Variants in CCSER1 observed in about 807,000 individuals in gnomAD.
CCSER1 encodes the protein coiled-coil serine rich protein 1, also known as serine-rich coiled-coil domain-containing protein 1.
In CCSER1, 41 loss-of-function variants were observed where a neutral mutation model predicts 82.0. The observed-to-expected ratio is 0.50, with a 90% CI of 0.39 to 0.65. The LOEUF is 0.65. Ranked by LOEUF, CCSER1 falls within the 30% of genes least tolerant of loss-of-function variation. The probability of loss-of-function intolerance (pLI) is 0.00; values close to 1 mark genes in which losing one functional copy is unlikely to be tolerated. For missense variants in CCSER1, 1,119 were observed against 1,064.2 expected (o/e 1.05, Z -0.72); for synonymous variants, 414 against 383.9 (o/e 1.08, Z -0.92).
intron 3 of CCSER1, among the ~76,000 whole-genome samples, chr4:90,319,635 G>A (rs920339611): frequency 5.2e-5 from 5 of 97,008 alleles, no homozygotes; most frequent in African/African-American, 3.0e-4. Flanking sequence ...CTGGGCAACA[G>A]AGCAAGACTC....
chr4:90,957,261 C>A (rs1733561606), intron 9 of CCSER1, among the ~76,000 whole-genome samples: 2 of 142,034 alleles, frequency 1.4e-5, no homozygotes, highest in Admixed American at 1.4e-4. Context: ...CCCACCACGT[C>A]CAGCTAATTT....
intron 8 of CCSER1, among the ~76,000 whole-genome samples, chr4:90,913,565 A>G (rs764871460): frequency 1.3e-5 from 2 of 152,228 alleles, no homozygotes; most frequent in Non-Finnish European, 2.9e-5. Flanking sequence ...AATCGAGGCT[A>G]GGAAGAAACT....
intron 7 of CCSER1, among the ~76,000 whole-genome samples, chr4:90,815,101 T>G (rs62309556): frequency 0.33 from 50,640 of 151,862 alleles, 8,563 homozygotes; most frequent in East Asian, 0.42. Flanking sequence ...TGGGGAAGCC[T>G]CAGGAAACTT....
intron 10 of CCSER1, among the ~76,000 whole-genome samples, chr4:91,454,044 T>C (rs534959285): frequency 7.9e-5 from 12 of 152,198 alleles, no homozygotes; most frequent in African/African-American, 2.9e-4. Context: ...ATCTATGAGC[T>C]CCAGAACTTT....
intron 1 of CCSER1, among the ~76,000 whole-genome samples, chr4:90,216,581 G>A (rs2153417756): frequency 6.6e-6 from 1 of 152,234 alleles, no homozygotes; most frequent in South Asian, 2.1e-4. Context: ...GATGGCTGTA[G>A]GTGTGTGACT....
intron 4 of CCSER1, among the ~76,000 whole-genome samples, chr4:90,451,373 C>T (rs144717249): frequency 4.8e-4 from 73 of 152,236 alleles, no homozygotes; most frequent in African/African-American, 1.7e-3. Context: ...CAGTCTTCCC[C>T]GAGGTAGACT....
At chr4:91,422,233 T>C (rs1753718398) in intron 10 of CCSER1, among the ~76,000 whole-genome samples, 1 of 151,940 alleles carries the variant, frequency 6.6e-6, no homozygotes. Context: ...AAAAAACCCC[T>C]GTACATTAAG....
At chr4:90,393,643 A>T (rs1286394986) in intron 3 of CCSER1, among the ~76,000 whole-genome samples, 1 of 152,086 alleles carries the variant, frequency 6.6e-6, no homozygotes, top group Non-Finnish European at 1.5e-5. Flanking sequence ...AACAGTATAG[A>T]TATGTGATTA....
intron 1 of CCSER1, among the ~76,000 whole-genome samples, chr4:90,247,742 G>C (rs578014673): frequency 6.6e-6 from 1 of 151,868 alleles, no homozygotes; most frequent in Non-Finnish European, 1.5e-5. Context: ...AGATATCTGG[G>C]CTATTAAATG....
At chr4:90,161,648 A>G (rs1729469691) in intron 1 of CCSER1, among the ~76,000 whole-genome samples, 1 of 152,134 alleles carries the variant, frequency 6.6e-6, no homozygotes, top group Non-Finnish European at 1.5e-5. Flanking sequence ...AATCTAAAAA[A>G]GTTTTAAGCA....
intron 10 of CCSER1, among the ~76,000 whole-genome samples, chr4:91,326,962 A>G (rs1490685082): frequency 6.6e-6 from 1 of 152,208 alleles, no homozygotes; most frequent in Admixed American, 6.5e-5. Context: ...GGCCTTGGGC[A>G]GCTCTGCCTC....
At chr4:90,532,935 G>C (rs902022679) in intron 5 of CCSER1, among the ~76,000 whole-genome samples, 2 of 152,002 alleles carry the variant, frequency 1.3e-5, no homozygotes, top group Non-Finnish European at 2.9e-5. Flanking sequence ...TCCCTCCCAG[G>C]AGTTACTTTC....
At chr4:90,296,902 A>G (rs548762907) in intron 1 of CCSER1, among the ~76,000 whole-genome samples, 2 of 152,242 alleles carry the variant, frequency 1.3e-5, no homozygotes, top group South Asian at 4.1e-4. Flanking sequence ...GTAGCCTTGT[A>G]GTATAGTTTG....
At chr4:91,400,678 G>A (rs1435342950) in intron 10 of CCSER1, among the ~76,000 whole-genome samples, 1 of 151,178 alleles carries the variant, frequency 6.6e-6, no homozygotes, top group Non-Finnish European at 1.5e-5. Context: ...TGCAAGGCAT[G>A]TGATTATATC....
At chr4:91,125,706 T>TA in intron 10 of CCSER1, among the ~76,000 whole-genome samples, 1 of 151,566 alleles carries the variant, frequency 6.6e-6, no homozygotes, top group Non-Finnish European at 1.5e-5. Context: ...TTCTTGAAAA[T>TA]AGATATGAAG....
At chr4:91,301,078 T>C (rs1324602531) in intron 10 of CCSER1, among the ~76,000 whole-genome samples, 1 of 151,890 alleles carries the variant, frequency 6.6e-6, no homozygotes, top group Non-Finnish European at 1.5e-5. Context: ...GTGGCATTTG[T>C]ACATTATGCA....
chr4:90,345,652 G>A (rs182973901), intron 3 of CCSER1, among the ~76,000 whole-genome samples: 5 of 151,916 alleles, frequency 3.3e-5, no homozygotes, highest in African/African-American at 4.8e-5. Flanking sequence ...TAACAAAAAC[G>A]TTTATTGAAC....
At chr4:91,108,588 T>TA (rs1725836916) in intron 10 of CCSER1, among the ~76,000 whole-genome samples, 1 of 152,232 alleles carries the variant, frequency 6.6e-6, no homozygotes, top group Admixed American at 6.5e-5. Flanking sequence ...CTCTGACGTA[T>TA]AGTACTTAAA....
chr4:90,229,014 T>C (rs142404622), intron 1 of CCSER1, among the ~76,000 whole-genome samples: 6,399 of 152,192 alleles, frequency 0.042, 225 homozygotes, highest in Non-Finnish European at 0.062. Flanking sequence ...CTGAAAGTGA[T>C]GGGGAGAATG....
Sources: allele counts gnomAD v4.1 joint callset (sites outside exome capture counted in the v4.1 genomes callset), GRCh38; gene constraint gnomAD v4.1.1; transcripts MANE v1.5; gene names NCBI Gene and HGNC (gene_info 2026-07-23, HGNC 2026-07-21).